Variants in TGFBR3 observed in about 807,000 individuals in gnomAD.
TGFBR3 encodes transforming growth factor beta receptor 3, also known as transforming growth factor beta receptor type 3.
Under a neutral mutation model 87.9 loss-of-function variants are expected in TGFBR3, and 46 were observed. The ratio of observed to expected loss-of-function variants is 0.52; its 90% CI spans 0.41 to 0.67. TGFBR3 has a LOEUF of 0.67. Ranked by LOEUF, TGFBR3 falls within the 30% of genes least tolerant of loss-of-function variation. The pLI is 0.00. For missense variants in TGFBR3, 866 were observed against 1,041.9 expected, an observed-to-expected ratio of 0.83 and a Z score of 2.32; for synonymous variants, 381 against 391.6, an observed-to-expected ratio of 0.97 and a Z score of 0.32.
At chr1:91,765,370 A>T (rs1674141721) in intron 3 of TGFBR3, among the ~76,000 whole-genome samples, 1 of 151,750 alleles carries the variant, frequency 6.6e-6, no homozygotes, top group South Asian at 2.1e-4. Context: ...ATAATTACAG[A>T]GTCATATTGA....
At chr1:91,796,303 C>A (rs1675378935) in intron 3 of TGFBR3, among the ~76,000 whole-genome samples, 1 of 152,142 alleles carries the variant, frequency 6.6e-6, no homozygotes, top group Admixed American at 6.5e-5. Context: ...AGATGATGAC[C>A]TTGCGCAAAT....
intron 12 of TGFBR3, among the ~76,000 whole-genome samples, chr1:91,715,066 C>G (rs984562253): frequency 3.9e-5 from 6 of 152,160 alleles, no homozygotes; most frequent in Non-Finnish European, 5.9e-5. Context: ...GCTTCTCACC[C>G]CTCCCACTAT....
intron 7 of TGFBR3, among the ~76,000 whole-genome samples, chr1:91,726,682 CATGA>C (rs906077446): frequency 6.7e-6 from 1 of 149,994 alleles, no homozygotes; most frequent in African/African-American, 2.5e-5. Flanking sequence ...TGGAAGGTGC[CATGA>C]ATGAATGAAT....
chr1:91,727,841 A>G (rs1465108893), intron 6 of TGFBR3, 35 bp from the exon 7 acceptor site: 1 of 1,612,136 alleles, frequency 6.2e-7, no homozygotes, highest in East Asian at 2.2e-5. Flanking sequence ...GTTAAGACCT[A>G]CATGCCAGAA....
In TGFBR3 at chr1:91,772,284, C is replaced by A. The variant is rs532490100; in HGVS notation, c.247-13534G>T. Among the ~76,000 whole-genome samples the A allele has an allele frequency of 5.3e-5, 8 of 152,232 alleles. No individual in the cohort carries two copies. In the South Asian group the frequency reaches 1.7e-3, roughly 32 times the overall value. On this transcript the variant is annotated intron_variant, in intron 3 of 16. Transcript: ENST00000212355. ...CACTAAATGAACTTCCATTACCTGACTTACTTGCCCAAAAGAAAACATATC... is the reference window on the plus strand; with the variant it reads ...CACTAAATGAACTTCCATTACCTGAATTACTTGCCCAAAAGAAAACATATC...
chr1:91,871,902 T>C (rs1237868613), intron 1 of TGFBR3, among the ~76,000 whole-genome samples: 2 of 152,206 alleles, frequency 1.3e-5, no homozygotes, highest in African/African-American at 4.8e-5. Context: ...TTCTACCTCC[T>C]TCATGGGATT....
rs547442860 is a variant in TGFBR3, at chr1:91,764,497, T to C, written c.247-5747A>G. On this transcript the variant is annotated intron_variant, in intron 3 of 16. Coordinates refer to ENST00000212355, the MANE Select transcript of TGFBR3 (RefSeq NM_003243.5). ...TATGAAACTACAGGTCATGACCTTC[T>C]AAAGGGGTCCTGGGAGCCGTTGCAA... is the stretch of plus-strand genomic sequence containing the variant. Among the ~76,000 whole-genome samples, 6 of 152,112 alleles carry C rather than the reference T, an allele frequency of 3.9e-5. No homozygotes were observed. In the East Asian group the frequency reaches 9.7e-4, roughly 25 times the overall value.
At chr1:91,904,792 C>G (rs956424269) in intron 1 of TGFBR3, among the ~76,000 whole-genome samples, 4 of 152,098 alleles carry the variant, frequency 2.6e-5, no homozygotes, top group Admixed American at 2.6e-4. Flanking sequence ...TCTCGAACTC[C>G]TGACCTCAGG....
intron 2 of TGFBR3, among the ~76,000 whole-genome samples, chr1:91,824,820 C>T (rs913564769): frequency 3.3e-5 from 5 of 152,100 alleles, no homozygotes; most frequent in Non-Finnish European, 7.4e-5. Flanking sequence ...ATTAGCCGAG[C>T]ATGGTGGCAG....
At chr1:91,767,708 T>C (rs1482049623) in intron 3 of TGFBR3, among the ~76,000 whole-genome samples, 3 of 76,620 alleles carry the variant, frequency 3.9e-5, no homozygotes, top group African/African-American at 1.5e-4. Context: ...CCATCTTTAA[T>C]CTTGGGTGTT....
intron 3 of TGFBR3, among the ~76,000 whole-genome samples, chr1:91,791,134 T>C (rs1249526797): frequency 1.3e-5 from 2 of 152,210 alleles, no homozygotes; most frequent in Admixed American, 6.5e-5. Flanking sequence ...TTGCATATCA[T>C]TCTTAGCAAG....
intron 2 of TGFBR3, among the ~76,000 whole-genome samples, chr1:91,893,013 C>A (rs1679481090): frequency 1.3e-5 from 2 of 152,132 alleles, no homozygotes; most frequent in African/African-American, 4.8e-5. Flanking sequence ...TCATTGACTT[C>A]ATTTCAACAA....
chr1:91,690,058 T>C (rs11807271), intron 16 of TGFBR3, among the ~76,000 whole-genome samples: 32,605 of 151,932 alleles, frequency 0.21, 3,770 homozygotes, highest in African/African-American at 0.28. Context: ...AGCAACTGAC[T>C]TGGCAGACTC....
chr1:91,808,359 G>A (rs1375690462), intron 2 of TGFBR3, among the ~76,000 whole-genome samples: 3 of 152,174 alleles, frequency 2.0e-5, no homozygotes, highest in East Asian at 1.9e-4. Flanking sequence ...TCCCAAAGGC[G>A]AGAACAGGCC....
chr1:91,725,337 T>A lies in TGFBR3; in HGVS notation c.885+2322A>T, dbSNP rs1672512416. 2.0e-5 allele frequency among the ~76,000 whole-genome samples: 3 copies of A among 152,232 alleles called. No homozygotes were observed. In the South Asian group the frequency reaches 6.2e-4, roughly 31 times the overall value. ...CCTTAGTAGACATCTTTCTTTCTTTTCACCTTGTATAGAGAAGTGCCCTAA... is the reference window on the plus strand; with the variant it reads ...CCTTAGTAGACATCTTTCTTTCTTTACACCTTGTATAGAGAAGTGCCCTAA... On this transcript the variant is annotated intron_variant, in intron 7 of 16. Transcript: ENST00000212355.
At chr1:91,855,178 G>C (rs1314974182) in intron 2 of TGFBR3, among the ~76,000 whole-genome samples, 1 of 152,194 alleles carries the variant, frequency 6.6e-6, no homozygotes, top group Non-Finnish European at 1.5e-5. Flanking sequence ...CCAGTAGAGA[G>C]GAAAAGAAAT....
chr1:91,813,628 C>T (rs1165605246), intron 2 of TGFBR3, among the ~76,000 whole-genome samples: 6 of 152,216 alleles, frequency 3.9e-5, no homozygotes, highest in South Asian at 2.1e-4. Context: ...TCAGATACTC[C>T]TACCAGTGCT....
chr1:91,699,431 C>CTTTTTTTTTTTTTTTTT (rs60223260), intron 14 of TGFBR3, among the ~76,000 whole-genome samples: 18 of 80,846 alleles, frequency 2.2e-4, no homozygotes, highest in Admixed American at 3.9e-4. Context: ...CTTTCTTTTG[C>CTTTTTTTTTTTTTTTTT]TTTTTTTTTT....
rs150288592 is a variant in TGFBR3, at chr1:91,844,519, C to T, written c.61+16952G>A. Among the ~76,000 whole-genome samples the T allele has an allele frequency of 2.5e-4, 38 of 152,300 alleles. No individual in the cohort carries two copies. The South Asian group carries it at 3.5e-3, about 14-fold the overall frequency. On this transcript the variant is annotated intron_variant, in intron 2 of 16. Coordinates refer to ENST00000212355, the MANE Select transcript of TGFBR3 (RefSeq NM_003243.5). Reference sequence around the variant, plus strand: ...TGTACCATGTTCATGAATAGCAAAACAGATACTACAGGCAACAAATTATGA... The same window carrying T: ...TGTACCATGTTCATGAATAGCAAAATAGATACTACAGGCAACAAATTATGA...
Sources: gnomAD v4.1 joint callset for allele counts (sites outside exome capture counted in the v4.1 genomes callset) on GRCh38, gnomAD v4.1.1 for gene constraint, MANE v1.5 for transcripts, NCBI Gene and HGNC (gene_info 2026-07-23, HGNC 2026-07-21) for gene names.